Variants in WDR25 observed in about 807,000 individuals in gnomAD.
The protein encoded by WDR25 is WD repeat-containing protein 25.
In WDR25, 35 loss-of-function variants were observed where a neutral mutation model predicts 47.7. The observed-to-expected ratio is 0.73, with a 90% CI of 0.56 to 0.97. The LOEUF is 0.97. Among genes scored for constraint, WDR25 ranks in the 50% least tolerant of loss-of-function variants. WDR25 has a pLI of 0.00. For missense variants in WDR25, 634 were observed against 704.7 expected (o/e 0.90, Z 1.14); for synonymous variants, 248 against 278.9 (o/e 0.89, Z 1.10).
chr14:100,502,016 T>G lies in WDR25; in HGVS notation c.1101+17892T>G, dbSNP rs540758764. 6.6e-6 allele frequency among the ~76,000 whole-genome samples: 1 copy of G among 152,320 alleles called. No individual in the cohort carries two copies. Among genetic ancestry groups the G allele is most frequent in the East Asian group, 1.9e-4 (1 of 5,166 alleles). ...TTCCCTGTCCGCTCCTACCACCCTT[T>G]GGTGGATCCTATTCCCCATCCCTCC... On this transcript the variant is annotated intron_variant, in intron 4 of 6. Coordinates refer to ENST00000402312, the MANE Select transcript of WDR25 (RefSeq NM_001161476.3). The surrounding 1 kb of genome is among the most constrained non-coding windows in gnomAD (Gnocchi z 4.5).
chr14:100,478,956 T>C (rs1900109485), intron 3 of WDR25, among the ~76,000 whole-genome samples: 1 of 152,220 alleles, frequency 6.6e-6, no homozygotes, highest in Admixed American at 6.5e-5. Context: ...GTGTTTCCTT[T>C]TGGATTTAAG....
At chr14:100,522,012 T>C (rs2029888791) in intron 4 of WDR25, among the ~76,000 whole-genome samples, 1 of 152,328 alleles carries the variant, frequency 6.6e-6, no homozygotes, top group African/African-American at 2.4e-5. Flanking sequence ...TTGCTTTTGT[T>C]AGGAGCAAAG....
intron 4 of WDR25, among the ~76,000 whole-genome samples, chr14:100,496,104 C>T (rs1900721268): frequency 6.6e-6 from 1 of 152,194 alleles, no homozygotes. Context: ...TCCATATCCT[C>T]ACCAGCACTT....
rs915770514 is a variant in WDR25 at position 100,502,444 on chromosome 14, G to A, written c.1101+18320G>A. ...GTTGTTAGCTGGGAATGGCTCTGAC[G>A]AGGCCTTCCTGCTGCGAGTAGTCAG... On this transcript the variant is annotated intron_variant, in intron 4 of 6. Coordinates refer to ENST00000402312, the MANE Select transcript of WDR25 (RefSeq NM_001161476.3). This position sits in a 1 kb window ranked among gnomAD's most constrained non-coding sequence, Gnocchi z 4.5. Among the ~76,000 whole-genome samples the A allele has an allele frequency of 6.6e-6, 1 of 152,208 alleles. No homozygotes were observed. The highest frequency in any genetic ancestry group is 1.5e-5 in the Non-Finnish European group (1 of 68,036).
chr14:100,450,698 G>A (rs758016244), intron 2 of WDR25, among the ~76,000 whole-genome samples: 9 of 152,146 alleles, frequency 5.9e-5, no homozygotes, highest in South Asian at 2.1e-4. Flanking sequence ...AAAAATAAAG[G>A]TATAACATTA....
At chr14:100,376,517 C>T (rs966064780) in intron 1 of WDR25, 22 bp downstream of exon 1, 12 of 1,231,762 alleles carry the variant, frequency 9.7e-6, no homozygotes, top group Middle Eastern at 3.1e-4. Context: ...GAGCGGCGGG[C>T]CCCGGGCTGG....
chr14:100,416,762 G>A (rs2140203306), intron 2 of WDR25, among the ~76,000 whole-genome samples: 1 of 152,316 alleles, frequency 6.6e-6, no homozygotes, highest in South Asian at 2.1e-4. Flanking sequence ...TGGGGAGGGA[G>A]CACTGGACCA....
intron 2 of WDR25, among the ~76,000 whole-genome samples, chr14:100,429,221 G>A (rs78656109): frequency 0.013 from 1,917 of 152,228 alleles, 32 homozygotes; most frequent in African/African-American, 0.04. Flanking sequence ...GAACTCTGAC[G>A]CCAGCTTGTC....
intron 2 of WDR25, among the ~76,000 whole-genome samples, chr14:100,429,462 T>C (rs1303095553): frequency 6.6e-6 from 1 of 152,180 alleles, no homozygotes; most frequent in Admixed American, 6.5e-5. Flanking sequence ...CCACTGTTCA[T>C]CTGCCCTGAG....
At chr14:100,457,297 A>G (rs1291742530) in intron 2 of WDR25, among the ~76,000 whole-genome samples, 1 of 152,212 alleles carries the variant, frequency 6.6e-6, no homozygotes, top group East Asian at 1.9e-4. Flanking sequence ...AAAACTTAAA[A>G]GTAACCAGAA....
chr14:100,482,912 G>A (rs1420963234), intron 3 of WDR25, among the ~76,000 whole-genome samples: 6 of 152,208 alleles, frequency 3.9e-5, no homozygotes, highest in Non-Finnish European at 8.8e-5. Flanking sequence ...TTCCTCCTGC[G>A]CTGTGGGAGC....
At chr14:100,453,900 A>C (rs1245468335) in intron 2 of WDR25, among the ~76,000 whole-genome samples, 1 of 152,168 alleles carries the variant, frequency 6.6e-6, no homozygotes, top group African/African-American at 2.4e-5. Flanking sequence ...GACCTTATTG[A>C]ATAGAGAGAA....
chr14:100,439,618 G>A (rs1044621671), intron 2 of WDR25, among the ~76,000 whole-genome samples: 3 of 152,200 alleles, frequency 2.0e-5, no homozygotes, highest in Non-Finnish European at 4.4e-5. Flanking sequence ...CTCTCTGGAA[G>A]GACAGCTGGG....
chr14:100,466,104 C>T (rs1899619045), intron 2 of WDR25, among the ~76,000 whole-genome samples: 1 of 152,138 alleles, frequency 6.6e-6, no homozygotes, highest in South Asian at 2.1e-4. Context: ...GCCCCATCTC[C>T]CTCCCGTGAA....
chr14:100,410,676 G>C (rs1024743787), intron 2 of WDR25, among the ~76,000 whole-genome samples: 1 of 151,804 alleles, frequency 6.6e-6, no homozygotes, highest in African/African-American at 2.4e-5. Flanking sequence ...GGCAAGATTT[G>C]TCTTCAGATT....
intron 2 of WDR25, among the ~76,000 whole-genome samples, chr14:100,426,273 G>A (rs1401168913): frequency 6.6e-6 from 1 of 152,140 alleles, no homozygotes; most frequent in African/African-American, 2.4e-5. Context: ...ACTTTTCTTT[G>A]TTTTTCTTTT....
At chr14:100,507,737 G>A (rs11851643) in intron 4 of WDR25, among the ~76,000 whole-genome samples, 37,052 of 150,972 alleles carry the variant, frequency 0.25, 4,755 homozygotes, top group African/African-American at 0.27. Context: ...TGTTATTGGT[G>A]TATAGAAATG....
intron 3 of WDR25, among the ~76,000 whole-genome samples, chr14:100,480,302 A>G (rs1222052718): frequency 1.3e-5 from 2 of 152,238 alleles, no homozygotes; most frequent in Non-Finnish European, 2.9e-5. Flanking sequence ...CACAAGAGTG[A>G]CCATGAAAAT....
In WDR25 at chr14:100,498,014, T is replaced by C. The variant is rs1900791510; in HGVS notation, c.1101+13890T>C. On this transcript the variant is annotated intron_variant, in intron 4 of 6. Transcript: ENST00000402312. This position sits in a 1 kb window ranked among gnomAD's most constrained non-coding sequence, Gnocchi z 4.2. Reference sequence around the variant, plus strand: ...TCACTGTTTCTTGAATAAGTGATTGTGCCAACCTCCATGGACCTGCAGTAT... The same window carrying C: ...TCACTGTTTCTTGAATAAGTGATTGCGCCAACCTCCATGGACCTGCAGTAT... 1.3e-5 allele frequency among the ~76,000 whole-genome samples: 2 copies of C among 152,256 alleles called. No individual in the cohort carries two copies. The highest frequency in any genetic ancestry group is 1.5e-5 in the Non-Finnish European group (1 of 68,050).
Sources: allele counts gnomAD v4.1 joint callset (sites outside exome capture counted in the v4.1 genomes callset), GRCh38; gene constraint gnomAD v4.1.1; non-coding constraint Gnocchi (gnomAD v3.1); transcripts MANE v1.5; gene names NCBI Gene and HGNC (gene_info 2026-07-23, HGNC 2026-07-21).